Variants in PDE4B observed in about 807,000 individuals in gnomAD.
PDE4B encodes the protein phosphodiesterase 4B, also known as 3',5'-cyclic-AMP phosphodiesterase 4B.
PDE4B carries 20 observed loss-of-function variants against 82.2 expected under a neutral mutation model. That is an observed-to-expected ratio of 0.24 (90% CI 0.17 to 0.35). The LOEUF (loss-of-function observed/expected upper bound fraction) is 0.35, where lower values mean the gene tolerates loss of function less well. Ranked by LOEUF, PDE4B falls within the 10% of genes least tolerant of loss-of-function variation. The pLI, the probability that PDE4B is intolerant of heterozygous loss-of-function variation, is 1.00. For synonymous variants in PDE4B, 320 were observed against 318.9 expected (o/e 1.00, Z -0.04); for missense variants, 655 against 907.2 (o/e 0.72, Z 3.57).
At chr1:66,258,010 G>A in intron 6 of PDE4B, 147 bp downstream of exon 6, 3 of 620,068 alleles carry the variant, frequency 4.8e-6, no homozygotes, top group Non-Finnish European at 8.6e-6. Flanking sequence ...ACAGGATGGA[G>A]CACCATAGTA....
intron 3 of PDE4B, among the ~76,000 whole-genome samples, chr1:66,081,795 G>A (rs1239100825): frequency 6.7e-6 from 1 of 149,280 alleles, no homozygotes; most frequent in Non-Finnish European, 1.5e-5. Context: ...CTACACGGGA[G>A]TGAAAAGTAA....
chr1:66,370,277 T>A (rs751491240), intron 16 of PDE4B, among the ~76,000 whole-genome samples: 2 of 151,680 alleles, frequency 1.3e-5, no homozygotes, highest in Non-Finnish European at 2.9e-5. Flanking sequence ...AAGGCTTAAG[T>A]GGAACAAGAT....
At chr1:66,264,818 T>C (rs1485889661) in intron 6 of PDE4B, among the ~76,000 whole-genome samples, 2 of 152,226 alleles carry the variant, frequency 1.3e-5, no homozygotes, top group Non-Finnish European at 2.9e-5. Context: ...TTCTTTGTCA[T>C]TTAGAATTTG....
intron 1 of PDE4B, among the ~76,000 whole-genome samples, chr1:65,831,825 A>G (rs1024428048): frequency 1.3e-5 from 2 of 152,202 alleles, no homozygotes; most frequent in Non-Finnish European, 2.9e-5. Context: ...CCACTGATGA[A>G]TATCTAGAGC....
intron 3 of PDE4B, among the ~76,000 whole-genome samples, chr1:65,924,316 C>T (rs1004395236): frequency 1.3e-5 from 2 of 150,570 alleles, no homozygotes; most frequent in Non-Finnish European, 3.0e-5. Context: ...CCTCGTGATC[C>T]GCCCGCCTCG....
At chr1:66,108,179 T>A (rs1645409687) in intron 3 of PDE4B, among the ~76,000 whole-genome samples, 1 of 151,942 alleles carries the variant, frequency 6.6e-6, no homozygotes, top group Non-Finnish European at 1.5e-5. Context: ...CCTGTTTAAC[T>A]GAAATTTTGT....
intron 3 of PDE4B, among the ~76,000 whole-genome samples, chr1:66,149,959 C>G (rs1157034111): frequency 6.6e-6 from 1 of 152,180 alleles, no homozygotes; most frequent in South Asian, 2.1e-4. Context: ...CAACTGCATT[C>G]TTTGTTATGT....
intron 1 of PDE4B, among the ~76,000 whole-genome samples, chr1:65,908,464 G>A (rs889751984): frequency 1.3e-5 from 2 of 152,142 alleles, no homozygotes; most frequent in African/African-American, 2.4e-5. Context: ...TTTTGAGAAG[G>A]AGAAAGAGAA....
intron 3 of PDE4B, among the ~76,000 whole-genome samples, chr1:66,033,538 T>G (rs1284570540): frequency 6.6e-6 from 1 of 151,782 alleles, no homozygotes. Flanking sequence ...TTGTGTAGAT[T>G]AAAAGGTATC....
chr1:65,844,522 A>G (rs969968660), intron 1 of PDE4B, among the ~76,000 whole-genome samples: 2 of 152,194 alleles, frequency 1.3e-5, no homozygotes, highest in African/African-American at 4.8e-5. Flanking sequence ...TTGGTAGCCA[A>G]AATAACTTAC....
chr1:66,097,803 G>GT (rs1158465386), intron 3 of PDE4B, among the ~76,000 whole-genome samples: 3 of 147,194 alleles, frequency 2.0e-5, no homozygotes, highest in African/African-American at 7.5e-5. Flanking sequence ...TATTGTCCTC[G>GT]TTTTTCTATC....
At chr1:65,910,313 A>C (rs991985797) in intron 1 of PDE4B, among the ~76,000 whole-genome samples, 1 of 152,222 alleles carries the variant, frequency 6.6e-6, no homozygotes, top group Non-Finnish European at 1.5e-5. Flanking sequence ...ACAAATTGAG[A>C]TAATGCTTGC....
intron 1 of PDE4B, among the ~76,000 whole-genome samples, chr1:65,871,105 G>A (rs1646567767): frequency 6.6e-6 from 1 of 152,138 alleles, no homozygotes; most frequent in Admixed American, 6.6e-5. Context: ...CGGAATTCAA[G>A]GTAGAGATTT....
intron 3 of PDE4B, among the ~76,000 whole-genome samples, chr1:65,936,222 CCTT>C (rs1344681108): frequency 6.6e-6 from 1 of 151,982 alleles, no homozygotes; most frequent in Non-Finnish European, 1.5e-5. Flanking sequence ...GATAACAATG[CCTT>C]CTTCTGGAAT....
intron 4 of PDE4B, among the ~76,000 whole-genome samples, chr1:66,253,860 C>T (rs1171320009): frequency 2.0e-5 from 3 of 152,186 alleles, no homozygotes; most frequent in Non-Finnish European, 4.4e-5. Flanking sequence ...TGCTGGGCAT[C>T]TGTAAAATCC....
chr1:66,216,602 T>A (rs560409524), intron 3 of PDE4B, among the ~76,000 whole-genome samples: 1 of 152,172 alleles, frequency 6.6e-6, no homozygotes. Context: ...ATCATATTAT[T>A]AGACAAAGCA....
chr1:66,338,483 A>T (rs1354464898), intron 8 of PDE4B, among the ~76,000 whole-genome samples: 1 of 152,206 alleles, frequency 6.6e-6, no homozygotes, highest in East Asian at 1.9e-4. Context: ...CCTGGGAAGC[A>T]GTGTAAGGGG....
At chr1:66,083,108 G>A (rs1341250819) in intron 3 of PDE4B, among the ~76,000 whole-genome samples, 2 of 152,114 alleles carry the variant, frequency 1.3e-5, no homozygotes, top group Admixed American at 1.3e-4. Flanking sequence ...TACCACAACA[G>A]CCTTCTAGTT....
rs79057236 is a variant in PDE4B, at chr1:66,070,202, C to G, written c.281+151367C>G. ...GGTCAGCTCATATAGGGCAGGCACC[C>G]TGTAAATGTGTTGAGCTAGATTGAT... On this transcript the variant is annotated intron_variant, in intron 3 of 16. Transcript: ENST00000341517. Among the ~76,000 whole-genome samples the G allele has an allele frequency of 1.7e-3, 263 of 152,104 alleles. 3 individuals carry two copies. Among genetic ancestry groups the G allele is most frequent in the East Asian group, 9.5e-3 (49 of 5,170 alleles).
Sources: allele counts gnomAD v4.1 joint callset (sites outside exome capture counted in the v4.1 genomes callset), GRCh38; gene constraint gnomAD v4.1.1; transcripts MANE v1.5; gene names NCBI Gene and HGNC (gene_info 2026-07-23, HGNC 2026-07-21).